SLC9A9: variants seen among roughly 807,000 people sequenced by gnomAD.
SLC9A9 encodes the protein solute carrier family 9 member A9.
A neutral mutation model predicts 77.8 loss-of-function variants in SLC9A9; 62 were observed. That is an observed-to-expected ratio of 0.80 (90% CI 0.65 to 0.98). SLC9A9 has a LOEUF of 0.98. Ranked by LOEUF, SLC9A9 falls within the 50% of genes least tolerant of loss-of-function variation. The pLI, the probability that SLC9A9 is intolerant of heterozygous loss-of-function variation, is 0.00. For synonymous variants in SLC9A9, 320 were observed against 283.5 expected, an observed-to-expected ratio of 1.13 and a Z score of -1.29; for missense variants, 775 against 774.9, an observed-to-expected ratio of 1.00 and a Z score of 0.00.
At chr3:143,668,924 C>T (rs1325244736) in intron 5 of SLC9A9, among the ~76,000 whole-genome samples, 1 of 152,256 alleles carries the variant, frequency 6.6e-6, no homozygotes, top group East Asian at 1.9e-4. Flanking sequence ...CAATTCTTGT[C>T]CTTTCTTGGC....
intron 6 of SLC9A9, among the ~76,000 whole-genome samples, chr3:143,600,532 G>A (rs562148209): frequency 6.6e-6 from 1 of 152,296 alleles, no homozygotes; most frequent in South Asian, 2.1e-4. Flanking sequence ...ACATGGGTAA[G>A]TTGAGCTTTA....
intron 12 of SLC9A9, among the ~76,000 whole-genome samples, chr3:143,428,715 A>T (rs540889308): frequency 6.6e-6 from 1 of 152,356 alleles, no homozygotes; most frequent in South Asian, 2.1e-4. Context: ...AGACAGACAC[A>T]TACACACACA....
At chr3:143,823,766 A>G (rs1461289423) in intron 2 of SLC9A9, among the ~76,000 whole-genome samples, 2 of 151,824 alleles carry the variant, frequency 1.3e-5, no homozygotes, top group Non-Finnish European at 2.9e-5. Context: ...TTACAATAAA[A>G]ATAAAATTTT....
chr3:143,290,825 C>T (rs1448746978), intron 14 of SLC9A9, among the ~76,000 whole-genome samples: 12 of 152,186 alleles, frequency 7.9e-5, no homozygotes, highest in African/African-American at 2.9e-4. Context: ...AGATCCAGCA[C>T]CTATCCCCTG....
chr3:143,363,642 T>A, intron 13 of SLC9A9, 79 bp from the exon 14 acceptor site: 3 of 1,279,818 alleles, frequency 2.3e-6, no homozygotes, highest in Non-Finnish European at 2.2e-6. Context: ...CAAACCAAGT[T>A]AAATTTAACT....
intron 14 of SLC9A9, among the ~76,000 whole-genome samples, chr3:143,357,111 G>A (rs1436003006): frequency 6.6e-6 from 1 of 152,160 alleles, no homozygotes; most frequent in Non-Finnish European, 1.5e-5. Flanking sequence ...GAGCCTTTAG[G>A]AAGCTGATTG....
intron 9 of SLC9A9, among the ~76,000 whole-genome samples, chr3:143,531,074 C>T (rs1424660302): frequency 6.6e-6 from 1 of 152,200 alleles, no homozygotes; most frequent in Admixed American, 6.5e-5. Flanking sequence ...AAAACTAATG[C>T]ATGAAAACTA....
intron 2 of SLC9A9, among the ~76,000 whole-genome samples, chr3:143,820,258 C>T (rs2009132766): frequency 6.6e-6 from 1 of 152,204 alleles, no homozygotes; most frequent in African/African-American, 2.4e-5. Context: ...ATCTCCTACT[C>T]ATAAGTGGGT....
intron 6 of SLC9A9, among the ~76,000 whole-genome samples, chr3:143,598,598 C>G (rs1559986688): frequency 6.6e-6 from 1 of 152,242 alleles, no homozygotes; most frequent in Non-Finnish European, 1.5e-5. Context: ...CCGTCTTCCT[C>G]CAAATCCGCA....
intron 6 of SLC9A9, among the ~76,000 whole-genome samples, chr3:143,609,876 G>T (rs1179130458): frequency 6.6e-6 from 1 of 151,618 alleles, no homozygotes; most frequent in Non-Finnish European, 1.5e-5. Context: ...CATTTAGGTT[G>T]CTTTTAATTT....
chr3:143,395,529 C>T (rs894187737), intron 12 of SLC9A9, among the ~76,000 whole-genome samples: 64 of 152,216 alleles, frequency 4.2e-4, no homozygotes, highest in African/African-American at 1.4e-3. Flanking sequence ...ATTCAGAACA[C>T]AGGCATGGGC....
At chr3:143,441,829 CTCAT>C (rs144760598) in intron 12 of SLC9A9, among the ~76,000 whole-genome samples, 2 of 143,796 alleles carry the variant, frequency 1.4e-5, no homozygotes, top group African/African-American at 5.1e-5. Context: ...GTGTCATTTA[CTCAT>C]TCATCCATCC....
chr3:143,624,170 A>G lies in SLC9A9; in HGVS notation c.755+28085T>C, dbSNP rs532338878. Among the ~76,000 whole-genome samples, 102 of 152,326 alleles carry G rather than the reference A, an allele frequency of 6.7e-4. No individual in the cohort carries two copies. The South Asian group carries it at 8.3e-3, about 12-fold the overall frequency. On this transcript the variant is annotated intron_variant, in intron 6 of 15. Coordinates refer to ENST00000316549, the MANE Select transcript of SLC9A9 (RefSeq NM_173653.4). The stretch of plus-strand genomic sequence containing the variant: ...TTCAGGACCAGATGGATTCACAGCC[A>G]AATTCTACCAGAGGTACAAGGAGGA...
In SLC9A9 at chr3:143,272,181, T is replaced by C. The variant is rs138947309; in HGVS notation, c.1605-3201A>G. On this transcript the variant is annotated intron_variant, in intron 14 of 15. Coordinates refer to ENST00000316549, the MANE Select transcript of SLC9A9 (RefSeq NM_173653.4). The stretch of plus-strand genomic sequence containing the variant: ...AAGGTGATTTAAAAAACCGTTTTCT[T>C]TCACTCACTCATTCATTTGTTCCAT... 2.2e-3 allele frequency among the ~76,000 whole-genome samples: 332 copies of C among 152,294 alleles called. 1 individual carries two copies. The highest frequency in any genetic ancestry group is 7.9e-3 in the African/African-American group (327 of 41,564).
chr3:143,573,638 T>A (rs941304398), intron 8 of SLC9A9, among the ~76,000 whole-genome samples: 1 of 152,126 alleles, frequency 6.6e-6, no homozygotes, highest in African/African-American at 2.4e-5. Context: ...ATGGAACATA[T>A]GTGAAGATCT....
intron 6 of SLC9A9, among the ~76,000 whole-genome samples, chr3:143,622,641 C>T (rs1319291242): frequency 2.0e-5 from 3 of 152,056 alleles, no homozygotes; most frequent in Non-Finnish European, 4.4e-5. Context: ...GGAACAACTG[C>T]TACCAGCCAT....
chr3:143,837,143 G>A (rs529108965), intron 1 of SLC9A9, among the ~76,000 whole-genome samples: 2 of 152,260 alleles, frequency 1.3e-5, no homozygotes, highest in South Asian at 2.1e-4. Context: ...TTTTAAAGGA[G>A]ATTTTAATCT....
At chr3:143,334,052 G>A (rs2031854967) in intron 14 of SLC9A9, among the ~76,000 whole-genome samples, 1 of 152,178 alleles carries the variant, frequency 6.6e-6, no homozygotes, top group Non-Finnish European at 1.5e-5. Flanking sequence ...TTGGTACAAA[G>A]AGCACTGCAC....
intron 6 of SLC9A9, among the ~76,000 whole-genome samples, chr3:143,630,230 A>T (rs1432971887): frequency 2.6e-5 from 4 of 152,198 alleles, no homozygotes; most frequent in African/African-American, 4.8e-5. Context: ...GAGATTTCAC[A>T]TTTATTTAAA....
Sources: gnomAD v4.1 joint callset for allele counts (sites outside exome capture counted in the v4.1 genomes callset) on GRCh38, gnomAD v4.1.1 for gene constraint, MANE v1.5 for transcripts, NCBI Gene and HGNC (gene_info 2026-07-23, HGNC 2026-07-21) for gene names.